The following ST6GALNAC3 variants were observed in gnomAD, a reference collection of about 807,000 sequenced individuals.
ST6GALNAC3 encodes the protein ST6 N-acetylgalactosaminide alpha-2,6-sialyltransferase 3.
ST6GALNAC3 carries 25 observed loss-of-function variants against 32.7 expected under a neutral mutation model. That is an observed-to-expected ratio of 0.76 (90% CI 0.56 to 1.07). The LOEUF (loss-of-function observed/expected upper bound fraction) is 1.07, where lower values mean the gene tolerates loss of function less well. ST6GALNAC3 is among the 50% of genes least tolerant of loss of function. The pLI is 0.00. For missense variants in ST6GALNAC3, 355 were observed against 382.4 expected (o/e 0.93, Z 0.60); for synonymous variants, 129 against 133.1 (o/e 0.97, Z 0.21).
chr1:76,382,101 A>G (rs1206564402), intron 2 of ST6GALNAC3, among the ~76,000 whole-genome samples: 1 of 152,172 alleles, frequency 6.6e-6, no homozygotes, highest in Non-Finnish European at 1.5e-5. Flanking sequence ...AACTGAACAT[A>G]GACCATTCTC....
intron 3 of ST6GALNAC3, among the ~76,000 whole-genome samples, chr1:76,453,065 A>T (rs767525609): frequency 1.3e-5 from 2 of 152,122 alleles, no homozygotes; most frequent in Non-Finnish European, 2.9e-5. Context: ...GTTTATGCGC[A>T]TAGAAATGTT....
rs1468061867 is a variant in ST6GALNAC3 at position 76,162,502 on chromosome 1, T to C, written c.18+87618T>C. ...GCAGGACGCGGGTGAGTTAATTAGC[T>C]ATTTTAAGCCCCAGTTTCTTCACCG... On this transcript the variant is annotated intron_variant, in intron 1 of 4. Coordinates refer to ENST00000328299, the MANE Select transcript of ST6GALNAC3 (RefSeq NM_152996.4). Among the ~76,000 whole-genome samples, 3 of 152,212 alleles carry C rather than the reference T, an allele frequency of 2.0e-5. No homozygotes were observed. The South Asian group carries it at 6.2e-4, about 31-fold the overall frequency.
chr1:76,482,834 T>A (rs1571371049), intron 3 of ST6GALNAC3, among the ~76,000 whole-genome samples: 1 of 151,924 alleles, frequency 6.6e-6, no homozygotes, highest in South Asian at 2.1e-4. Context: ...CATTAACTCA[T>A]CATTTACATT....
At chr1:76,609,505 A>G (rs1647779599) in intron 3 of ST6GALNAC3, among the ~76,000 whole-genome samples, 1 of 152,148 alleles carries the variant, frequency 6.6e-6, no homozygotes, top group Non-Finnish European at 1.5e-5. Context: ...AGAAATGATA[A>G]GTTGTTTCTT....
intron 3 of ST6GALNAC3, among the ~76,000 whole-genome samples, chr1:76,568,656 T>A (rs2100476211): frequency 6.6e-6 from 1 of 152,252 alleles, no homozygotes; most frequent in East Asian, 1.9e-4. Context: ...CAGGTTCTAC[T>A]CATACAGAGG....
intron 1 of ST6GALNAC3, among the ~76,000 whole-genome samples, chr1:76,162,344 T>G (rs910998280): frequency 3.3e-5 from 5 of 152,256 alleles, no homozygotes; most frequent in African/African-American, 1.2e-4. Context: ...GATAAGTCTC[T>G]CTGCACCATG....
intron 1 of ST6GALNAC3, among the ~76,000 whole-genome samples, chr1:76,299,789 TCAA>T (rs1193915551): frequency 6.7e-6 from 1 of 149,204 alleles, no homozygotes; most frequent in African/African-American, 2.4e-5. Context: ...GCTTATGGAA[TCAA>T]CAAATAATCT....
chr1:76,450,359 C>A (rs1289814801), intron 3 of ST6GALNAC3, among the ~76,000 whole-genome samples: 1 of 152,010 alleles, frequency 6.6e-6, no homozygotes, highest in Non-Finnish European at 1.5e-5. Context: ...TGTTTGATGT[C>A]CATTTGCATA....
intron 3 of ST6GALNAC3, among the ~76,000 whole-genome samples, chr1:76,518,794 G>A (rs572400879): frequency 6.6e-6 from 1 of 152,298 alleles, no homozygotes; most frequent in African/African-American, 2.4e-5. Context: ...TGGGGGCGCA[G>A]TGGCTCATGC....
At chr1:76,394,335 T>C (rs573388480) in intron 2 of ST6GALNAC3, among the ~76,000 whole-genome samples, 1 of 152,280 alleles carries the variant, frequency 6.6e-6, no homozygotes, top group Admixed American at 6.5e-5. Flanking sequence ...GAAAGTGAAA[T>C]ATGATGAAAT....
At chr1:76,270,376 A>G (rs1658769027) in intron 1 of ST6GALNAC3, among the ~76,000 whole-genome samples, 2 of 151,960 alleles carry the variant, frequency 1.3e-5, no homozygotes, top group African/African-American at 2.4e-5. Flanking sequence ...GCATGGTGGC[A>G]GGTGCCTGTA....
chr1:76,332,622 G>A lies in ST6GALNAC3; in HGVS notation c.213+18623G>A, dbSNP rs17098764. ...ATCCCCTGAGGTAGTAGGTAGATAA[G>A]CTGGTCATCAGGTTAGAGCCTGTAT... On this transcript the variant is annotated intron_variant, in intron 2 of 4. Transcript: ENST00000328299. 6.6e-3 allele frequency among the ~76,000 whole-genome samples: 1,004 copies of A among 152,204 alleles called. 7 individuals are homozygous for A. The highest frequency in any genetic ancestry group is 0.023 in the African/African-American group (962 of 41,512).
At chr1:76,579,253 C>T (rs1646857214) in intron 3 of ST6GALNAC3, among the ~76,000 whole-genome samples, 1 of 151,948 alleles carries the variant, frequency 6.6e-6, no homozygotes, top group African/African-American at 2.4e-5. Context: ...CATCGATCAC[C>T]AGCTCCAGAA....
At chr1:76,408,887 T>A (rs1654021375) in intron 2 of ST6GALNAC3, among the ~76,000 whole-genome samples, 1 of 152,136 alleles carries the variant, frequency 6.6e-6, no homozygotes, top group South Asian at 2.1e-4. Context: ...ATCTTGGTGA[T>A]AAGTTGGAGT....
At chr1:76,498,400 A>G (rs1299163221) in intron 3 of ST6GALNAC3, among the ~76,000 whole-genome samples, 3 of 152,294 alleles carry the variant, frequency 2.0e-5, no homozygotes, top group African/African-American at 7.2e-5. Context: ...ACTACTGATG[A>G]GACAAATGGG....
At chr1:76,239,330 G>A (rs1656837732) in intron 1 of ST6GALNAC3, among the ~76,000 whole-genome samples, 1 of 152,160 alleles carries the variant, frequency 6.6e-6, no homozygotes, top group Admixed American at 6.5e-5. Context: ...GGGGAAGGAT[G>A]TGGAGAGAGG....
At chr1:76,533,144 T>TA (rs983891605) in intron 3 of ST6GALNAC3, among the ~76,000 whole-genome samples, 37 of 152,270 alleles carry the variant, frequency 2.4e-4, no homozygotes, top group African/African-American at 8.7e-4. Context: ...ATCCGGGAGT[T>TA]ACAGCTGGCT....
At chr1:76,347,941 A>G (rs939067875) in intron 2 of ST6GALNAC3, among the ~76,000 whole-genome samples, 1 of 152,190 alleles carries the variant, frequency 6.6e-6, no homozygotes, top group Non-Finnish European at 1.5e-5. Flanking sequence ...TTTATGATTG[A>G]TCTTCATTTT....
intron 3 of ST6GALNAC3, among the ~76,000 whole-genome samples, chr1:76,582,280 T>G (rs1287647531): frequency 2.6e-5 from 4 of 152,168 alleles, no homozygotes; most frequent in African/African-American, 7.2e-5. Context: ...CAAACCTAGT[T>G]TGAGTTGTGC....
Sources: allele counts gnomAD v4.1 joint callset (sites outside exome capture counted in the v4.1 genomes callset), GRCh38; gene constraint gnomAD v4.1.1; transcripts MANE v1.5; gene names NCBI Gene and HGNC (gene_info 2026-07-23, HGNC 2026-07-21).